SRRM3: variants seen among roughly 807,000 people sequenced by gnomAD.
SRRM3 encodes serine/arginine repetitive matrix protein 3.
In SRRM3, 27 loss-of-function variants were observed where a neutral mutation model predicts 66.2. The observed-to-expected ratio is 0.41, with a 90% CI of 0.30 to 0.56. The LOEUF is 0.56. Among genes scored for constraint, SRRM3 ranks in the 20% least tolerant of loss-of-function variants. The pLI is 0.32. For synonymous variants in SRRM3, 391 were observed against 414.9 expected (o/e 0.94, Z 0.70); for missense variants, 918 against 991.9 (o/e 0.93, Z 1.00).
intron 5 of SRRM3, 30 bp from the exon 6 acceptor site, chr7:76,260,844 C>A: frequency 6.4e-7 from 1 of 1,554,754 alleles, no homozygotes; most frequent in South Asian, 1.2e-5. Context: ...ATCCATCCGT[C>A]TGTCCTTTCT....
At chr7:76,254,463 C>T (rs1393299652) in intron 3 of SRRM3, among the ~76,000 whole-genome samples, 2 of 152,112 alleles carry the variant, frequency 1.3e-5, no homozygotes, top group Admixed American at 6.6e-5. Context: ...GGATTACAAG[C>T]ATGTCCTACC....
At chr7:76,221,562 C>T (rs1800721948) in intron 1 of SRRM3, among the ~76,000 whole-genome samples, 1 of 151,652 alleles carries the variant, frequency 6.6e-6, no homozygotes, top group Non-Finnish European at 1.5e-5. Context: ...CGGGGTTTCA[C>T]CGTATTAGCC....
At chr7:76,207,582 G>A (rs1396495817) in intron 1 of SRRM3, among the ~76,000 whole-genome samples, 2 of 152,094 alleles carry the variant, frequency 1.3e-5, no homozygotes, top group East Asian at 1.9e-4. Flanking sequence ...AGACTCTTTA[G>A]GGCCAGGTTT....
At chr7:76,205,622 C>G (rs1800282515) in intron 1 of SRRM3, among the ~76,000 whole-genome samples, 1 of 152,344 alleles carries the variant, frequency 6.6e-6, no homozygotes, top group East Asian at 1.9e-4. Flanking sequence ...TGCCTGTGGT[C>G]CTTGGGGGCC....
At chr7:76,273,788 CTA>C (rs1427457316) in intron 11 of SRRM3, among the ~76,000 whole-genome samples, 1 of 152,132 alleles carries the variant, frequency 6.6e-6, no homozygotes, top group Non-Finnish European at 1.5e-5. Flanking sequence ...AGCTACAAAG[CTA>C]TGTTTCCTGG....
Position 76,259,526 on chromosome 7 carries a change from A to G in SRRM3, c.336-380A>G, listed in dbSNP as rs1042712318. Among the ~76,000 whole-genome samples, 124 of 151,406 alleles carry G rather than the reference A, an allele frequency of 8.2e-4. 1 individual carries two copies. The highest frequency in any genetic ancestry group is 1.4e-3 in the Non-Finnish European group (93 of 67,864). On this transcript the variant is annotated intron_variant, in intron 3 of 14. Transcript: ENST00000611745. ...CAGAAGTTCAAGGCTGCAGTGAGCT[A>G]TGATCCCACCGCTGCAACCCAGCCT...
chr7:76,265,474 C>T lies in SRRM3; in HGVS notation c.830+6C>T. On this transcript the variant is annotated splice_donor_region_variant and intron_variant, in intron 10 of 14. Coordinates refer to ENST00000611745, the MANE Select transcript of SRRM3 (RefSeq NM_001110199.3). The stretch of plus-strand genomic sequence containing the variant: ...GATTCCAGATCTCCCAGCAGGTAGG[C>T]CTGGGCCTCTGGGAGGCTTTCTCCT... 1 of 1,594,492 alleles carries T rather than the reference C, an allele frequency of 6.3e-7. No individual in the cohort carries two copies. Among genetic ancestry groups the T allele is most frequent in the South Asian group, 1.1e-5 (1 of 87,602 alleles).
At chr7:76,206,748 A>G (rs1190014062) in intron 1 of SRRM3, among the ~76,000 whole-genome samples, 1 of 152,174 alleles carries the variant, frequency 6.6e-6, no homozygotes, top group Admixed American at 6.5e-5. Context: ...ACTCCTTCAG[A>G]GCCTAAAGCC....
chr7:76,235,007 G>C (rs1383995828), intron 1 of SRRM3, 21 bp from the exon 2 acceptor site: 11 of 1,399,808 alleles, frequency 7.9e-6, no homozygotes, highest in Non-Finnish European at 1.0e-5. Context: ...ATCCCGCCTC[G>C]TGTCTGTGTC....
In SRRM3 at chr7:76,261,337, T is replaced by A; in HGVS notation, c.576-15T>A. 2.1e-6 allele frequency: 2 copies of A among 963,558 alleles called. No homozygotes were observed. Among genetic ancestry groups the A allele is most frequent in the Admixed American group, 3.1e-5 (1 of 32,676 alleles). The allele number at this position is 963,558 out of a possible 1,614,324, so 59.7% of individuals were successfully genotyped here. ...CCACCCCAGCTCACTAGAGCCCACC[T>A]CCCTGTGTCCACAGCTGTGGGAGCT... On this transcript the variant is annotated splice_polypyrimidine_tract_variant and intron_variant, in intron 6 of 14. Coordinates refer to ENST00000611745, the MANE Select transcript of SRRM3 (RefSeq NM_001110199.3).
intron 1 of SRRM3, 106 bp downstream of exon 1, chr7:76,202,173 G>C (rs1045253347): frequency 6.6e-6 from 1 of 152,496 alleles, no homozygotes; most frequent in African/African-American, 2.4e-5. Context: ...CCGAGCAGAG[G>C]GGCAGTGTGG....
At chr7:76,282,555 CTCCGCCCTAAGCCCCGCCCCAGGGA>C in intron 12 of SRRM3, 68 bp from the exon 13 acceptor site, 2 of 620,892 alleles carry the variant, frequency 3.2e-6, no homozygotes, top group Non-Finnish European at 2.4e-6. Context: ...GACCCCGCCC[CTCCGCCCTAAGCCCCGCCCCAGGGA>C]ACCCTCCCCG....
chr7:76,283,134 G>A, intron 14 of SRRM3, 33 bp downstream of exon 14: 1 of 1,382,810 alleles, frequency 7.2e-7, no homozygotes, highest in Non-Finnish European at 9.3e-7. Flanking sequence ...CGGTGGCGCA[G>A]GGCTGGGGCC....
intron 8 of SRRM3, among the ~76,000 whole-genome samples, chr7:76,263,262 T>G (rs782803529): frequency 3.9e-5 from 6 of 152,168 alleles, no homozygotes; most frequent in African/African-American, 7.2e-5. Flanking sequence ...CCCAAACCCA[T>G]AGCCTCCGGG....
intron 2 of SRRM3, among the ~76,000 whole-genome samples, chr7:76,241,343 C>A (rs782800806): frequency 5.3e-5 from 8 of 152,156 alleles, no homozygotes; most frequent in Non-Finnish European, 8.8e-5. Context: ...TGCCTCCTGG[C>A]AGAACAGACA....
chr7:76,243,284 C>T (rs1801354780), intron 2 of SRRM3, among the ~76,000 whole-genome samples: 1 of 152,152 alleles, frequency 6.6e-6, no homozygotes, highest in Admixed American at 6.5e-5. Flanking sequence ...CTGTCTCTCC[C>T]CGTCATCACT....
At chr7:76,228,186 TAA>T (rs1348269608) in intron 1 of SRRM3, among the ~76,000 whole-genome samples, 1 of 152,254 alleles carries the variant, frequency 6.6e-6, no homozygotes, top group East Asian at 1.9e-4. Context: ...GCTTCATTTT[TAA>T]AGAGTTTTGA....
chr7:76,260,973 T>C, intron 6 of SRRM3, 70 bp downstream of exon 6: 1 of 1,491,654 alleles, frequency 6.7e-7, no homozygotes, highest in South Asian at 1.2e-5. Context: ...TCCAAGGCCA[T>C]CCCCCAGAGG....
intron 1 of SRRM3, among the ~76,000 whole-genome samples, chr7:76,221,253 C>T (rs1372449132): frequency 6.6e-6 from 1 of 151,644 alleles, no homozygotes; most frequent in Non-Finnish European, 1.5e-5. Context: ...AAGAGTTTTG[C>T]CATGTTGGCC....
Sources: gnomAD v4.1 joint callset for allele counts (sites outside exome capture counted in the v4.1 genomes callset) on GRCh38, gnomAD v4.1.1 for gene constraint, MANE v1.5 for transcripts, NCBI Gene and HGNC (gene_info 2026-07-23, HGNC 2026-07-21) for gene names.